The following PLCH1 variants were observed in gnomAD, a reference collection of about 807,000 sequenced individuals.
The protein encoded by PLCH1 is 1-phosphatidylinositol 4,5-bisphosphate phosphodiesterase eta-1.
In PLCH1, 60 loss-of-function variants were observed where a neutral mutation model predicts 126.7. The observed-to-expected ratio is 0.47, with a 90% CI of 0.38 to 0.59. The LOEUF (loss-of-function observed/expected upper bound fraction) is 0.59. PLCH1 is among the 20% of genes least tolerant of loss of function. The pLI is 0.00. For synonymous variants in PLCH1, 719 were observed against 734.9 expected, an observed-to-expected ratio of 0.98 and a Z score of 0.35; for missense variants, 1,723 against 2,040.0, an observed-to-expected ratio of 0.84 and a Z score of 2.99.
chr3:155,679,372 C>T (rs1480522426), intron 2 of PLCH1, among the ~76,000 whole-genome samples: 1 of 152,148 alleles, frequency 6.6e-6, no homozygotes, highest in Non-Finnish European at 1.5e-5. Flanking sequence ...CCTCCCCTGG[C>T]AATGGCAGTA....
At chr3:155,618,469 T>A (rs1736060149) in intron 2 of PLCH1, among the ~76,000 whole-genome samples, 1 of 152,186 alleles carries the variant, frequency 6.6e-6, no homozygotes, top group Non-Finnish European at 1.5e-5. Context: ...GAGTTTAACG[T>A]CTGGATAGAC....
downstream of PLCH1, among the ~76,000 whole-genome samples, chr3:155,476,058 C>T (rs984483939): frequency 5.3e-5 from 8 of 151,838 alleles, no homozygotes; most frequent in South Asian, 4.2e-4. Flanking sequence ...TGCAAAAATC[C>T]GTAACAAAAT....
rs994336451 is a variant in PLCH1, at chr3:155,708,633, T to C, written c.-40-4369A>G. On this transcript the variant is annotated intron_variant, in intron 1 of 22. Transcript: ENST00000460012. ...CATTTATTTTTTAGACAATTTATAT[T>C]ACATTAGAGATGTATTTCCCCTGCA... Among the ~76,000 whole-genome samples the C allele has an allele frequency of 1.8e-4, 27 of 152,346 alleles. No homozygotes were observed. The East Asian group carries it at 2.7e-3, about 15-fold the overall frequency.
chr3:155,494,443 T>C lies in PLCH1; in HGVS notation c.1969A>G (p.Met657Val). 2 of 1,613,794 alleles carry C rather than the reference T, an allele frequency of 1.2e-6. No individual in the cohort carries two copies. Among genetic ancestry groups the C allele is most frequent in the Non-Finnish European group, 1.7e-6 (2 of 1,179,666 alleles). ...GTGAGTTGCTTTTGATTATAAATCA[T>C]GAACTGCTCTGATTTTTGCTGAACA... The part of the protein sequence containing the change: ...QVVQQKSEQF[M>V]IYNQKQLTRI... Residue 657 changes from methionine (M) to valine (V), a missense_variant, in exon 16 of 23, where the codon ATG (methionine) becomes GTG (valine). Met to Val is a conservative substitution (Grantham distance 21, BLOSUM62 1). Transcript: ENST00000460012.
intron 14 of PLCH1, among the ~76,000 whole-genome samples, chr3:155,499,750 A>C (rs1456515495): frequency 6.6e-6 from 1 of 152,196 alleles, no homozygotes; most frequent in African/African-American, 2.4e-5. Flanking sequence ...CTTACATATG[A>C]CAACAGTCAC....
At chr3:155,454,649 G>T (rs1163393386) in intron 21 of PLCH1, among the ~76,000 whole-genome samples, 1 of 152,210 alleles carries the variant, frequency 6.6e-6, no homozygotes, top group African/African-American at 2.4e-5. Flanking sequence ...CAGCTCTTCA[G>T]GGCCAAGAGA....
downstream of PLCH1, among the ~76,000 whole-genome samples, chr3:155,477,098 A>T (rs1713578905): frequency 6.6e-6 from 1 of 152,112 alleles, no homozygotes; most frequent in Admixed American, 6.5e-5. Flanking sequence ...ACAAATCCAC[A>T]CACCTACAGT....
chr3:155,554,344 T>C (rs1726533044), intron 8 of PLCH1, 148 bp from the exon 9 acceptor site: 2 of 696,886 alleles, frequency 2.9e-6, no homozygotes, highest in East Asian at 5.5e-5. Context: ...CAGAAATCGG[T>C]GTTCTGGCAT....
intron 5 of PLCH1, among the ~76,000 whole-genome samples, chr3:155,585,780 G>A (rs574523225): frequency 2.0e-5 from 3 of 152,274 alleles, no homozygotes; most frequent in Admixed American, 6.5e-5. Flanking sequence ...GGCAAATGAG[G>A]TATTACTGTC....
chr3:155,563,017 T>C (rs1000513127), intron 8 of PLCH1, among the ~76,000 whole-genome samples: 8 of 152,132 alleles, frequency 5.3e-5, no homozygotes, highest in Non-Finnish European at 1.2e-4. Flanking sequence ...GGATACTTAG[T>C]TTTATTTTAT....
At chr3:155,613,871 G>A (rs182275135) in intron 2 of PLCH1, among the ~76,000 whole-genome samples, 4 of 152,034 alleles carry the variant, frequency 2.6e-5, no homozygotes, top group South Asian at 2.1e-4. Context: ...GTCATTGTTC[G>A]CCAACGATAT....
intron 2 of PLCH1, among the ~76,000 whole-genome samples, chr3:155,655,007 A>T (rs904513935): frequency 3.9e-5 from 6 of 152,188 alleles, no homozygotes; most frequent in Non-Finnish European, 8.8e-5. Context: ...TGACCCTGTC[A>T]CAGGGCCTTT....
At chr3:155,526,737 A>C (rs1206230861) in intron 10 of PLCH1, among the ~76,000 whole-genome samples, 2 of 152,206 alleles carry the variant, frequency 1.3e-5, no homozygotes, top group Non-Finnish European at 2.9e-5. Context: ...CCCTGAGCAG[A>C]GGACCCAGCT....
intron 2 of PLCH1, among the ~76,000 whole-genome samples, chr3:155,694,422 T>C (rs73876917): frequency 6.6e-6 from 1 of 152,176 alleles, no homozygotes; most frequent in Non-Finnish European, 1.5e-5. Context: ...AGTCTCCACA[T>C]CTAGAGATGA....
At chr3:155,518,098 G>A (rs924341497) in intron 11 of PLCH1, among the ~76,000 whole-genome samples, 4 of 152,188 alleles carry the variant, frequency 2.6e-5, no homozygotes, top group Admixed American at 1.3e-4. Context: ...CACATCCCAC[G>A]TGGGGTGGAG....
chr3:155,684,471 G>A (rs1481768349), intron 2 of PLCH1, among the ~76,000 whole-genome samples: 1 of 152,126 alleles, frequency 6.6e-6, no homozygotes. Flanking sequence ...AGACTCTCCT[G>A]AGAACAGGAA....
At chr3:155,694,676 C>G (rs1376273819) in intron 2 of PLCH1, among the ~76,000 whole-genome samples, 3 of 152,130 alleles carry the variant, frequency 2.0e-5, no homozygotes, top group Non-Finnish European at 2.9e-5. Flanking sequence ...TGCTGACAAA[C>G]AGACAAAAAC....
At chr3:155,635,400 A>G (rs568024575) in intron 2 of PLCH1, among the ~76,000 whole-genome samples, 14 of 152,226 alleles carry the variant, frequency 9.2e-5, no homozygotes, top group Non-Finnish European at 1.8e-4. Flanking sequence ...GCAACCCCTC[A>G]GCCACAGCCT....
At chr3:155,564,261 G>C (rs985109663) in intron 8 of PLCH1, among the ~76,000 whole-genome samples, 8 of 152,084 alleles carry the variant, frequency 5.3e-5, no homozygotes, top group Admixed American at 2.6e-4. Context: ...AGACCATGAA[G>C]TATCCTAAAA....
Sources: gnomAD v4.1 joint callset for allele counts (sites outside exome capture counted in the v4.1 genomes callset) on GRCh38, gnomAD v4.1.1 for gene constraint, MANE v1.5 for transcripts, NCBI Gene and HGNC (gene_info 2026-07-23, HGNC 2026-07-21) for gene names.